Variants in NBEAL2 observed in about 807,000 individuals in gnomAD.
NBEAL2 encodes neurobeachin-like protein 2.
NBEAL2 carries 160 observed loss-of-function variants against 299.8 expected under a neutral mutation model. That is an observed-to-expected ratio of 0.53 (90% confidence interval 0.47 to 0.61). The LOEUF (loss-of-function observed/expected upper bound fraction) is 0.61. Among genes scored for constraint, NBEAL2 ranks in the 20% least tolerant of loss-of-function variants. The probability of loss-of-function intolerance (pLI) is 0.00; values close to 1 mark genes in which losing one functional copy is unlikely to be tolerated. For missense variants in NBEAL2, 3,112 were observed against 3,649.0 expected, an observed-to-expected ratio of 0.85 and a Z score of 3.79; for synonymous variants, 1,493 against 1,542.3, an observed-to-expected ratio of 0.97 and a Z score of 0.75.
At position 47,009,498 on chromosome 3, in the gene NBEAL2, TC is replaced by T. The variant is rs1186080680; in HGVS notation, c.*181del. ...CCCCTCAGGGATTGGCGGGCGGAAG[TC>T]CCGCCCCTCGCCGGCTGAGGGGCCG... On this transcript the variant is annotated 3_prime_UTR_variant, in exon 54 of 54. Coordinates refer to ENST00000450053, the MANE Select transcript of NBEAL2 (RefSeq NM_015175.3). The T allele has an allele frequency of 2.7e-5, 18 of 655,820 alleles. No individual in the cohort carries two copies. Among genetic ancestry groups the T allele is most frequent in the Admixed American group, 1.7e-4 (6 of 35,642 alleles). The allele number at this position is 655,820 out of a possible 1,614,324, so 40.6% of individuals were successfully genotyped here. A position where few individuals can be genotyped will look rare whatever the true frequency, so the allele number is the denominator to read the frequency against.
chr3:46,989,534 A>C lies in NBEAL2; in HGVS notation c.497A>C (p.Lys166Thr). 1 of 1,597,214 alleles carries C rather than the reference A, an allele frequency of 6.3e-7. No homozygotes were observed. The highest frequency in any genetic ancestry group is 8.5e-7 in the Non-Finnish European group (1 of 1,171,906). The change falls in exon 6 of 54, where the codon AAG (lysine) becomes ACG (threonine). Residue 166 changes from lysine to threonine, a missense_variant. Around this residue, in one of 3 missense-constraint regions of NBEAL2, gnomAD observed 2,243 missense variants for 2,538.1 expected, o/e 0.88. Transcript: ENST00000450053. The surrounding 1 kb of genome is among the most constrained non-coding windows in gnomAD (Gnocchi z 5.5). ...RSGEVISSKE[K>T]SKYKFPPAAL... ...AGGGAAGTCATCAGCTCCAAGGAGA[A>C]GAGCAAATACAAGTTCCCTCCTGCT...
rs1293751867 is a variant in NBEAL2, at chr3:46,996,735, C to A, written c.2474-16C>A. ...AGAGGCCTAGCAAGGTCTGAAGCCC[C>A]CTGCCCACCTCCCAGGGCCCAATGA... On this transcript the variant is annotated splice_polypyrimidine_tract_variant and intron_variant, in intron 16 of 53. Coordinates refer to ENST00000450053, the MANE Select transcript of NBEAL2 (RefSeq NM_015175.3). 6.2e-7 allele frequency: 1 copy of A among 1,609,920 alleles called. No homozygotes were observed.
Position 46,995,555 on chromosome 3 carries a change from C to G in NBEAL2, c.1820C>G (p.Ala607Gly). The G allele has an allele frequency of 6.2e-7, 1 of 1,612,786 alleles. No individual in the cohort carries two copies. Among genetic ancestry groups the G allele is most frequent in the Non-Finnish European group, 8.5e-7 (1 of 1,179,876 alleles). ...CCAGGGCCTGGCTTCACCTTTCATG[C>G]CTGGCTCTGTCTGCACCCTATGGAT... Reference protein sequence around the residue: ...RWPGPGFTFHAWLCLHPMDTA... With the variant: ...RWPGPGFTFHGWLCLHPMDTA... Residue 607 changes from alanine to glycine, a missense_variant, in exon 13 of 54, where the codon GCC (alanine) becomes GGC (glycine). Ala to Gly is a moderately conservative substitution (Grantham distance 60). This residue lies in a region of NBEAL2 where 2,243 missense variants were observed against 2,538.1 expected (regional missense o/e 0.88). Coordinates refer to ENST00000450053, the MANE Select transcript of NBEAL2 (RefSeq NM_015175.3).
chr3:47,005,653 G>A, intron 41 of NBEAL2, 34 bp downstream of exon 41: 2 of 1,612,560 alleles, frequency 1.2e-6, no homozygotes, highest in Non-Finnish European at 1.7e-6. Flanking sequence ...GAGCGGGCAG[G>A]TGTAGGGATG....
Position 47,001,428 on chromosome 3 carries a change from GGAGT to G in NBEAL2, c.4638_4641del (p.Ser1546ArgfsTer55). 1 of 1,612,458 alleles carries G rather than the reference GGAGT, an allele frequency of 6.2e-7. No homozygotes were observed. The highest frequency in any genetic ancestry group is 1.1e-5 in the South Asian group (1 of 91,052). On this transcript the variant is annotated frameshift_variant, in exon 29 of 54. Transcript: ENST00000450053. LOFTEE classifies it high-confidence loss of function. This position sits in a 1 kb window ranked among gnomAD's most constrained non-coding sequence, Gnocchi z 6.1. ...GAAGGCCATGGTAACCAGGAACTGT[GGAGT>G]GAGAAGGTGCGACCCCTCAGAGAGG...
Position 46,989,531 on chromosome 3 carries a change from A to T in NBEAL2, c.494A>T (p.Glu165Val). Reference sequence around the variant, plus strand: ...CCCAGGGAAGTCATCAGCTCCAAGGAGAAGAGCAAATACAAGTTCCCTCCT... The same window carrying T: ...CCCAGGGAAGTCATCAGCTCCAAGGTGAAGAGCAAATACAAGTTCCCTCCT... ...QRSGEVISSK[E>V]KSKYKFPPAA... Residue 165 changes from glutamate (E) to valine (V), a missense_variant, in exon 6 of 54, where the codon GAG becomes GTG. Around this residue, in one of 3 missense-constraint regions of NBEAL2, gnomAD observed 2,243 missense variants for 2,538.1 expected, o/e 0.88. Transcript: ENST00000450053. This position sits in a 1 kb window ranked among gnomAD's most constrained non-coding sequence, Gnocchi z 5.5. The T allele has an allele frequency of 6.3e-7, 1 of 1,596,168 alleles. No individual in the cohort carries two copies. The highest frequency in any genetic ancestry group is 8.5e-7 in the Non-Finnish European group (1 of 1,171,418).
Position 46,979,667 on chromosome 3 carries a change from G to A in NBEAL2, c.-195G>A. The A allele has an allele frequency of 3.1e-6, 1 of 317,490 alleles. No homozygotes were observed. Among genetic ancestry groups the A allele is most frequent in the East Asian group, 4.7e-5 (1 of 21,254 alleles). 19.7% of individuals were successfully genotyped at this position (317,490 alleles called of 1,614,324 possible). A position where few individuals can be genotyped will look rare whatever the true frequency, so the allele number is the denominator to read the frequency against. The stretch of plus-strand genomic sequence containing the variant: ...GCAGGAAGCTGGGCGGCGGCCGGCA[G>A]TGAGGAGGAGGAGCGAGCAGACTTG... On this transcript the variant is annotated 5_prime_UTR_variant, in exon 1 of 54. In the 5' UTR this introduces an upstream ATG that the reference lacks. Coordinates refer to ENST00000450053, the MANE Select transcript of NBEAL2 (RefSeq NM_015175.3).
Position 46,993,972 on chromosome 3 carries a change from T to C in NBEAL2, c.1149T>C (p.His383=). ...AAGACACAGACGCCATTGCAGTCCA[T>C]GTAGTCAGAGTGCTGACCTGCATCA... ...LDQDTDAIAV[H]VVRVLTCIMS... Residue 383 remains histidine (H), a synonymous_variant, in exon 11 of 54, where the codon CAT becomes CAC. Transcript: ENST00000450053. 6.2e-7 allele frequency: 1 copy of C among 1,612,074 alleles called. No individual in the cohort carries two copies. Among genetic ancestry groups the C allele is most frequent in the Non-Finnish European group, 8.5e-7 (1 of 1,179,342 alleles).
Position 46,996,517 on chromosome 3 carries a change from G to A in NBEAL2, c.2398G>A (p.Glu800Lys), listed in dbSNP as rs769022433. ...TCGGTGGGGCAGCCCCACATCCCTGGAGGGTGAGCTGGGGGCTGTGGCCAT... is the reference window on the plus strand; with the variant it reads ...TCGGTGGGGCAGCCCCACATCCCTGAAGGGTGAGCTGGGGGCTGTGGCCAT... ...DTRWGSPTSL[E>K]GELGAVAIFH... Residue 800 changes from glutamate to lysine, a missense_variant, in exon 16 of 54, where the codon GAG becomes AAG. Around this residue, in one of 3 missense-constraint regions of NBEAL2, gnomAD observed 2,243 missense variants for 2,538.1 expected, o/e 0.88. Coordinates refer to ENST00000450053, the MANE Select transcript of NBEAL2 (RefSeq NM_015175.3). 1.9e-6 allele frequency: 3 copies of A among 1,567,340 alleles called. No homozygotes were observed. The highest frequency in any genetic ancestry group is 1.2e-5 in the South Asian group (1 of 85,608).
Position 47,004,232 on chromosome 3 carries a change from T to C in NBEAL2, c.6037T>C (p.Ser2013Pro), listed in dbSNP as rs1473550873. ...CAAGGTGGGCACGACCCCAGTCTCA[T>C]CTCCTAGCCAGACTCCCAGACCCCA... ...PCKVGTTPVS[S>P]PSQTPRPQPG... is the part of the protein sequence containing the mutation. The change falls in exon 37 of 54, where the codon TCT becomes CCT. Residue 2013 changes from serine to proline, a missense_variant. Physicochemically the swap from Ser to Pro is moderately conservative, Grantham distance 74. Around this residue, in one of 3 missense-constraint regions of NBEAL2, gnomAD observed 521 missense variants for 729.6 expected, o/e 0.71. Transcript: ENST00000450053. This position sits in a 1 kb window ranked among gnomAD's most constrained non-coding sequence, Gnocchi z 5.0. 12 of 1,613,568 alleles carry C rather than the reference T, an allele frequency of 7.4e-6. No homozygotes were observed. In the Admixed American group the frequency reaches 8.3e-5, roughly 11 times the overall value.
At chr3:46,997,157 AGCTC>A (rs762147018) in intron 18 of NBEAL2, 98 bp from the exon 19 acceptor site, 77 of 1,560,076 alleles carry the variant, frequency 4.9e-5, no homozygotes, top group Non-Finnish European at 6.6e-5. Context: ...TGGACAGTCC[AGCTC>A]AAGAGAGCAA....
At chr3:46,992,180 G>A (rs1451584891) in intron 9 of NBEAL2, among the ~76,000 whole-genome samples, 5 of 152,128 alleles carry the variant, frequency 3.3e-5, no homozygotes, top group South Asian at 2.1e-4. Context: ...CCATGGAAGC[G>A]GGGCTTGTTA....
chr3:47,007,261 G>C lies in NBEAL2; in HGVS notation c.7245G>C (p.Gly2415=), dbSNP rs1334310571. The C allele has an allele frequency of 6.2e-7, 1 of 1,612,306 alleles. No individual in the cohort carries two copies. The highest frequency in any genetic ancestry group is 8.5e-7 in the Non-Finnish European group (1 of 1,179,308). ...PDLLVTVSAS[G]LLGTHSWLPY... ...TGCAGGTGACTGTGAGTGCCAGTGGGCTGCTGGGCACCCACAGCTGGTTGC... is the reference window on the plus strand; with the variant it reads ...TGCAGGTGACTGTGAGTGCCAGTGGCCTGCTGGGCACCCACAGCTGGTTGC... The change falls in exon 47 of 54, where the codon GGG becomes GGC. Residue 2415 remains glycine, a synonymous_variant. Transcript: ENST00000450053.
At position 47,009,520 on chromosome 3, in the gene NBEAL2, G is replaced by A. The variant is rs922807521; in HGVS notation, c.*200G>A. The A allele has an allele frequency of 3.3e-6, 2 of 605,644 alleles. No individual in the cohort carries two copies. Among genetic ancestry groups the A allele is most frequent in the East Asian group, 3.0e-5 (1 of 33,530 alleles). 37.5% of individuals were successfully genotyped at this position (605,644 alleles called of 1,614,324 possible). ...AAGTCCCGCCCCTCGCCGGCTGAGG[G>A]GCCGCCCTGAGGGCCAGCACTGGCG... On this transcript the variant is annotated 3_prime_UTR_variant, in exon 54 of 54. Transcript: ENST00000450053.
At chr3:46,984,168 T>C (rs1575581246) in intron 1 of NBEAL2, among the ~76,000 whole-genome samples, 2 of 145,890 alleles carry the variant, frequency 1.4e-5, no homozygotes, top group Admixed American at 1.4e-4. Context: ...TAGCCAGGCG[T>C]GATGGCGAGT....
rs997641947 is a variant in NBEAL2, at chr3:46,995,575, A to G, written c.1840A>G (p.Met614Val). Residue 614 changes from methionine to valine, a missense_variant, in exon 13 of 54, where the codon ATG becomes GTG. Met to Val is a conservative substitution (Grantham distance 21). Around this residue, in one of 3 missense-constraint regions of NBEAL2, gnomAD observed 2,243 missense variants for 2,538.1 expected, o/e 0.88. Transcript: ENST00000450053. ...TFHAWLCLHPMDTAPTPAPTR... is the reference protein window; with the variant it reads ...TFHAWLCLHPVDTAPTPAPTR... ...TCATGCCTGGCTCTGTCTGCACCCT[A>G]TGGATACAGCACCTACCCCTGCCCC... 2.5e-6 allele frequency: 4 copies of G among 1,612,654 alleles called. No individual in the cohort carries two copies. Among genetic ancestry groups the G allele is most frequent in the East Asian group, 2.2e-5 (1 of 44,872 alleles).
rs892747177 is a variant in NBEAL2, at chr3:46,988,342, G to A, written c.52-327G>A. Among the ~76,000 whole-genome samples the A allele has an allele frequency of 2.0e-5, 3 of 152,196 alleles. No homozygotes were observed. Among genetic ancestry groups the A allele is most frequent in the South Asian group, 2.1e-4 (1 of 4,826 alleles). ...TGGGCCACAGCCACACCCCACTTAC[G>A]CCCCTCCCCTGGCTGTGTCAGACCT... On this transcript the variant is annotated intron_variant, in intron 1 of 53. Coordinates refer to ENST00000450053, the MANE Select transcript of NBEAL2 (RefSeq NM_015175.3). This position sits in a 1 kb window ranked among gnomAD's most constrained non-coding sequence, Gnocchi z 4.4.
chr3:46,995,956 C>T lies in NBEAL2; in HGVS notation c.2056C>T (p.Pro686Ser). Residue 686 changes from proline to serine, a missense_variant, in exon 15 of 54, where the codon CCT becomes TCT. Physicochemically the swap from Pro to Ser is moderately conservative, Grantham distance 74. Coordinates refer to ENST00000450053, the MANE Select transcript of NBEAL2 (RefSeq NM_015175.3). Reference sequence around the variant, plus strand: ...GCACTGCGTGGCTATCGTCCATGTGCCTGGGCGCCGGCCCTTCAGCCAGAA... The same window carrying T: ...GCACTGCGTGGCTATCGTCCATGTGTCTGGGCGCCGGCCCTTCAGCCAGAA... ...AWHCVAIVHVPGRRPFSQNLV... is the reference protein window; with the variant it reads ...AWHCVAIVHVSGRRPFSQNLV... The T allele has an allele frequency of 6.2e-7, 1 of 1,613,352 alleles. No homozygotes were observed. The highest frequency in any genetic ancestry group is 8.5e-7 in the Non-Finnish European group (1 of 1,179,778).
rs944038843 is a variant in NBEAL2 at position 47,000,935 on chromosome 3, C to T, written c.4306-66C>T. 15 of 1,544,514 alleles carry T rather than the reference C, an allele frequency of 9.7e-6. No individual in the cohort carries two copies. Among genetic ancestry groups the T allele is most frequent in the South Asian group, 2.4e-5 (2 of 83,594 alleles). On this transcript the variant is annotated intron_variant, in intron 27 of 53. Transcript: ENST00000450053. This position sits in a 1 kb window ranked among gnomAD's most constrained non-coding sequence, Gnocchi z 4.5. ...GGGGTGCTGAGTGGGGATGGGTGGG[C>T]GTCAGCCTGATTCCCTCCCTTAGCC...
Sources: allele counts gnomAD v4.1 joint callset (sites outside exome capture counted in the v4.1 genomes callset), GRCh38; gene constraint gnomAD v4.1.1; regional missense constraint gnomAD v4.1.1; non-coding constraint Gnocchi (gnomAD v3.1); transcripts MANE v1.5; gene names NCBI Gene and HGNC (gene_info 2026-07-23, HGNC 2026-07-21).